The following GTF3C1 variants were observed in gnomAD, a reference collection of about 807,000 sequenced individuals.
GTF3C1 encodes general transcription factor 3C polypeptide 1.
In GTF3C1, 57 loss-of-function variants were observed where a neutral mutation model predicts 226.7. That is an observed-to-expected ratio of 0.25 (90% CI 0.20 to 0.31). The LOEUF is 0.31. Among genes scored for constraint, GTF3C1 ranks in the 10% least tolerant of loss-of-function variants. The pLI is 1.00. For synonymous variants in GTF3C1, 1,090 were observed against 1,084.8 expected (o/e 1.00, Z -0.09); for missense variants, 2,217 against 2,776.1 (o/e 0.80, Z 4.53).
intron 27 of GTF3C1, among the ~76,000 whole-genome samples, chr16:27,479,721 G>A (rs972542887): frequency 2.6e-5 from 4 of 151,996 alleles, no homozygotes; most frequent in East Asian, 1.9e-4. Context: ...CACCCGCCTC[G>A]GCCTCCCAAA....
intron 29 of GTF3C1, among the ~76,000 whole-genome samples, chr16:27,474,123 G>A (rs1378070874): frequency 6.6e-6 from 1 of 152,176 alleles, no homozygotes; most frequent in Non-Finnish European, 1.5e-5. Flanking sequence ...GGGGAGCCTC[G>A]CGGGGTCCCC....
chr16:27,482,310 C>G (rs1199789322), intron 26 of GTF3C1, among the ~76,000 whole-genome samples: 1 of 152,144 alleles, frequency 6.6e-6, no homozygotes, highest in Non-Finnish European at 1.5e-5. Flanking sequence ...CTGCACCAGA[C>G]CAGGACTGCC....
At chr16:27,515,264 G>A (rs983338732) in intron 6 of GTF3C1, among the ~76,000 whole-genome samples, 2 of 152,136 alleles carry the variant, frequency 1.3e-5, no homozygotes, top group African/African-American at 2.4e-5. Context: ...GGGCAACAGA[G>A]CAAGACTTCA....
chr16:27,475,796 T>TC (rs1488838351), intron 29 of GTF3C1, among the ~76,000 whole-genome samples: 2 of 152,174 alleles, frequency 1.3e-5, no homozygotes, highest in Non-Finnish European at 2.9e-5. Flanking sequence ...TCCAGTGACC[T>TC]CCCACAACCA....
At chr16:27,537,987 T>A in intron 3 of GTF3C1, 60 bp from the exon 4 acceptor site, 1 of 1,557,776 alleles carries the variant, frequency 6.4e-7, no homozygotes, top group East Asian at 2.2e-5. Flanking sequence ...ATGTATAGAG[T>A]CTCTCACTTG....
At chr16:27,497,582 T>C (rs1018315340) in intron 14 of GTF3C1, 55 bp downstream of exon 14, 7 of 1,443,748 alleles carry the variant, frequency 4.8e-6, no homozygotes, top group Middle Eastern at 2.4e-4. Flanking sequence ...TCAAACATTG[T>C]CATACAAACA....
chr16:27,506,907 T>G lies in GTF3C1; in HGVS notation c.1492A>C (p.Thr498Pro), dbSNP rs771733317. The G allele has an allele frequency of 8.7e-6, 14 of 1,613,766 alleles. No individual in the cohort carries two copies. Among genetic ancestry groups the G allele is most frequent in the Non-Finnish European group, 1.1e-5 (13 of 1,179,978 alleles). Reference sequence around the variant, plus strand: ...GGCCGGAGGTTTGCAGAGGCTCTTGTGTCTTTCTGGGACCCTCTGCCTCTC... The same window carrying G: ...GGCCGGAGGTTTGCAGAGGCTCTTGGGTCTTTCTGGGACCCTCTGCCTCTC... The part of the protein sequence containing the change: ...KRRGRGSQKD[T>P]RASANLRPKT... The change falls in exon 9 of 37, where the codon ACA becomes CCA. Residue 498 changes from threonine (T) to proline (P), a missense_variant. This residue lies in a region of GTF3C1 where 173 missense variants were observed against 207.2 expected (regional missense o/e 0.83). Coordinates refer to ENST00000356183, the MANE Select transcript of GTF3C1 (RefSeq NM_001520.4).
chr16:27,488,906 A>G (rs1596627750), intron 21 of GTF3C1, 137 bp downstream of exon 21: 2 of 799,486 alleles, frequency 2.5e-6, no homozygotes, highest in Non-Finnish European at 4.2e-6. Context: ...AAAACAGGCC[A>G]GGCACACATT....
chr16:27,525,185 T>TAAAAGAAAAGAAAAG (rs60325418), intron 6 of GTF3C1, among the ~76,000 whole-genome samples: 1,743 of 150,736 alleles, frequency 0.012, 15 homozygotes, highest in Middle Eastern at 0.034. Context: ...AAGAAAGAAA[T>TAAAAGAAAAGAAAAG]AAAAGAAAAG....
chr16:27,513,376 C>T (rs1006463190), intron 6 of GTF3C1, among the ~76,000 whole-genome samples: 8 of 152,130 alleles, frequency 5.3e-5, no homozygotes, highest in Admixed American at 1.3e-4. Flanking sequence ...ATTGCTTGAG[C>T]CTGGGAGGTC....
intron 16 of GTF3C1, among the ~76,000 whole-genome samples, chr16:27,494,106 A>G (rs1038965998): frequency 6.6e-6 from 1 of 152,178 alleles, no homozygotes; most frequent in Non-Finnish European, 1.5e-5. Context: ...AAATTTCTAA[A>G]AACAACATGT....
chr16:27,480,153 A>T (rs1458142831), intron 27 of GTF3C1, among the ~76,000 whole-genome samples: 1 of 142,834 alleles, frequency 7.0e-6, no homozygotes, highest in Non-Finnish European at 1.5e-5. Context: ...GTGAGCCGAG[A>T]GTGTGCCACT....
Position 27,506,023 on chromosome 16 carries a change from C to T in GTF3C1, c.1646G>A (p.Ser549Asn). 1 of 1,613,312 alleles carries T rather than the reference C, an allele frequency of 6.2e-7. No homozygotes were observed. Among genetic ancestry groups the T allele is most frequent in the Admixed American group, 1.7e-5 (1 of 60,034 alleles). ...GCTGGTATCTAAGAGGCTGTCCCTG[C>T]TGGCAAGGCTCTGGCAGGCTCTCTC... Reference protein sequence around the residue: ...AEERACQSLASRDSLLDTSSV... With the variant: ...AEERACQSLANRDSLLDTSSV... Residue 549 changes from serine to asparagine, a missense_variant, in exon 10 of 37, where the codon AGC becomes AAC. Transcript: ENST00000356183.
chr16:27,461,339 C>T lies in GTF3C1; in HGVS notation c.*11G>A. ...GCGGTGGCTGGGAGGGAGGGGACGC[C>T]CACAGGGGTCCTAGAGGTGGATCCA... On this transcript the variant is annotated 3_prime_UTR_variant, in exon 37 of 37. Transcript: ENST00000356183. This position sits in a 1 kb window ranked among gnomAD's most constrained non-coding sequence, Gnocchi z 5.3. The T allele has an allele frequency of 2.5e-6, 4 of 1,574,796 alleles. No homozygotes were observed. Among genetic ancestry groups the T allele is most frequent in the Non-Finnish European group, 3.5e-6 (4 of 1,148,490 alleles).
chr16:27,514,535 C>A (rs184773700), intron 6 of GTF3C1, among the ~76,000 whole-genome samples: 1 of 152,206 alleles, frequency 6.6e-6, no homozygotes, highest in Admixed American at 6.5e-5. Flanking sequence ...CCATGCCATT[C>A]CCCCCTAGAC....
In GTF3C1 at chr16:27,502,851, C is replaced by T. The variant is rs1283226184; in HGVS notation, c.1907+8G>A. ...AGCAGACAGACAGACAGACAGACAGCTCCTTACGTGAATAAACTCTCGATT... is the reference window on the plus strand; with the variant it reads ...AGCAGACAGACAGACAGACAGACAGTTCCTTACGTGAATAAACTCTCGATT... On this transcript the variant is annotated splice_region_variant and intron_variant, in intron 11 of 36. Coordinates refer to ENST00000356183, the MANE Select transcript of GTF3C1 (RefSeq NM_001520.4). 1 of 1,559,428 alleles carries T rather than the reference C, an allele frequency of 6.4e-7. No individual in the cohort carries two copies. The highest frequency in any genetic ancestry group is 1.2e-5 in the South Asian group (1 of 84,742).
intron 14 of GTF3C1, among the ~76,000 whole-genome samples, chr16:27,496,980 A>T (rs1247221969): frequency 6.6e-6 from 1 of 152,236 alleles, no homozygotes; most frequent in African/African-American, 2.4e-5. Context: ...GTGGGGCTGC[A>T]GCCCTAGGAA....
intron 26 of GTF3C1, chr16:27,482,363 C>T: frequency 2.4e-6 from 1 of 411,664 alleles, no homozygotes. Context: ...AAGCTGTATA[C>T]TCTCATTAGG....
intron 8 of GTF3C1, among the ~76,000 whole-genome samples, chr16:27,508,070 C>T (rs371902920): frequency 1.5e-4 from 23 of 152,374 alleles, no homozygotes; most frequent in African/African-American, 3.6e-4. Flanking sequence ...AGCGCAGTGG[C>T]GCCATCTCGG....
Sources: gnomAD v4.1 joint callset for allele counts (sites outside exome capture counted in the v4.1 genomes callset) on GRCh38, gnomAD v4.1.1 for gene constraint, gnomAD v4.1.1 regional missense constraint, Gnocchi (gnomAD v3.1) non-coding constraint, MANE v1.5 for transcripts, NCBI Gene and HGNC (gene_info 2026-07-23, HGNC 2026-07-21) for gene names.